The following GPC6 variants were observed in gnomAD, a reference collection of about 807,000 sequenced individuals.
The protein encoded by GPC6 is glypican 6.
A neutral mutation model predicts 55.2 loss-of-function variants in GPC6; 14 were observed. That is an observed-to-expected ratio of 0.25 (90% confidence interval 0.17 to 0.40). The LOEUF (loss-of-function observed/expected upper bound fraction) is 0.40. Ranked by LOEUF, GPC6 falls within the 10% of genes least tolerant of loss-of-function variation. The probability of loss-of-function intolerance (pLI) is 1.00; values close to 1 mark genes in which losing one functional copy is unlikely to be tolerated. For synonymous variants in GPC6, 278 were observed against 259.6 expected, an observed-to-expected ratio of 1.07 and a Z score of -0.68; for missense variants, 641 against 708.5, an observed-to-expected ratio of 0.90 and a Z score of 1.08.
chr13:94,272,299 T>G (rs1229207319), intron 4 of GPC6, among the ~76,000 whole-genome samples: 1 of 151,950 alleles, frequency 6.6e-6, no homozygotes, highest in Non-Finnish European at 1.5e-5. Context: ...GAACAAATGG[T>G]CTCTGGGGCG....
At chr13:93,450,615 A>C in intron 1 of GPC6, 9 of 265,336 alleles carry the variant, frequency 3.4e-5, no homozygotes, top group Non-Finnish European at 5.2e-5. Flanking sequence ...TTTGCATAGA[A>C]GAGATATAAT....
At chr13:93,986,859 C>A (rs890628613) in intron 3 of GPC6, among the ~76,000 whole-genome samples, 1 of 151,988 alleles carries the variant, frequency 6.6e-6, no homozygotes, top group Admixed American at 6.6e-5. Context: ...ATTCTTTTTG[C>A]AAATTACTTT....
intron 2 of GPC6, among the ~76,000 whole-genome samples, chr13:93,708,900 C>CAA (rs1882949363): frequency 6.6e-6 from 1 of 151,664 alleles, no homozygotes; most frequent in Admixed American, 6.6e-5. Flanking sequence ...TGCTAGGTTT[C>CAA]AGAACACATC....
chr13:93,835,056 CT>C (rs1324516196), intron 3 of GPC6, among the ~76,000 whole-genome samples: 2 of 152,158 alleles, frequency 1.3e-5, no homozygotes, highest in African/African-American at 4.8e-5. Context: ...AACAGATTGT[CT>C]GCTTAAACCA....
At chr13:94,082,121 A>C (rs777398031) in intron 4 of GPC6, among the ~76,000 whole-genome samples, 1 of 152,082 alleles carries the variant, frequency 6.6e-6, no homozygotes, top group Non-Finnish European at 1.5e-5. Flanking sequence ...GACTATAGGC[A>C]TGAGCCACTG....
intron 2 of GPC6, among the ~76,000 whole-genome samples, chr13:93,658,480 T>C (rs1323680375): frequency 2.0e-5 from 3 of 151,930 alleles, no homozygotes; most frequent in African/African-American, 7.2e-5. Context: ...TCTTACCATC[T>C]TACAATTTTA....
intron 2 of GPC6, among the ~76,000 whole-genome samples, chr13:93,659,377 T>C (rs1880824007): frequency 6.6e-6 from 1 of 151,972 alleles, no homozygotes; most frequent in Non-Finnish European, 1.5e-5. Context: ...AGGGACAAAC[T>C]CTTCTCAATC....
chr13:94,047,827 T>TG (rs1260565011), intron 4 of GPC6, among the ~76,000 whole-genome samples: 7 of 152,138 alleles, frequency 4.6e-5, no homozygotes, highest in African/African-American at 1.2e-4. Flanking sequence ...TCAACTGCTG[T>TG]GGAAACTAAC....
intron 4 of GPC6, among the ~76,000 whole-genome samples, chr13:94,245,369 G>C (rs1000699628): frequency 6.6e-6 from 1 of 151,474 alleles, no homozygotes; most frequent in Non-Finnish European, 1.5e-5. Flanking sequence ...GACCAAACTG[G>C]GTAACATAGC....
At chr13:94,189,022 A>T (rs1455043747) in intron 4 of GPC6, among the ~76,000 whole-genome samples, 4 of 152,092 alleles carry the variant, frequency 2.6e-5, no homozygotes, top group Non-Finnish European at 5.9e-5. Context: ...CATTGTTGTT[A>T]TAGGGATTCC....
chr13:93,319,454 G>A (rs1366018708), intron 1 of GPC6, among the ~76,000 whole-genome samples: 2 of 152,096 alleles, frequency 1.3e-5, no homozygotes, highest in African/African-American at 4.8e-5. Context: ...AGAAATAAAA[G>A]TTGCATCCAC....
At chr13:93,598,110 C>T (rs912951772) in intron 2 of GPC6, among the ~76,000 whole-genome samples, 1 of 152,110 alleles carries the variant, frequency 6.6e-6, no homozygotes, top group African/African-American at 2.4e-5. Flanking sequence ...TGCCACTGCA[C>T]TCCAGCCTGG....
At chr13:94,208,980 T>C (rs1207324382) in intron 4 of GPC6, among the ~76,000 whole-genome samples, 1 of 152,040 alleles carries the variant, frequency 6.6e-6, no homozygotes, top group African/African-American at 2.4e-5. Flanking sequence ...AATATTTTAT[T>C]AAGATAACAT....
At chr13:93,248,407 G>T (rs1594051569) in intron 1 of GPC6, among the ~76,000 whole-genome samples, 1 of 142,228 alleles carries the variant, frequency 7.0e-6, no homozygotes, top group African/African-American at 2.6e-5. Context: ...GTCTAAAAAT[G>T]TTCTGTACTT....
At chr13:93,829,535 A>G (rs1283134316) in intron 2 of GPC6, among the ~76,000 whole-genome samples, 1 of 152,192 alleles carries the variant, frequency 6.6e-6, no homozygotes, top group Non-Finnish European at 1.5e-5. Flanking sequence ...AATCCAAGAT[A>G]CTTTAAGGCT....
At chr13:94,106,144 G>C (rs1225634829) in intron 4 of GPC6, among the ~76,000 whole-genome samples, 1 of 109,952 alleles carries the variant, frequency 9.1e-6, no homozygotes, top group African/African-American at 3.5e-5. Flanking sequence ...TCCTACATTG[G>C]AAAGGGTAGC....
rs568522281 is a variant in GPC6 at position 93,623,244 on chromosome 13, G to A, written c.319+77823G>A. ...AATAATAAAAAGCCATAGGAGTGCAGATATCTCCTTGACATACTGATTCCA... is the reference window on the plus strand; with the variant it reads ...AATAATAAAAAGCCATAGGAGTGCAAATATCTCCTTGACATACTGATTCCA... On this transcript the variant is annotated intron_variant, in intron 2 of 8. Coordinates refer to ENST00000377047, the MANE Select transcript of GPC6 (RefSeq NM_005708.5). Among the ~76,000 whole-genome samples the A allele has an allele frequency of 2.6e-5, 4 of 152,206 alleles. No homozygotes were observed. In the East Asian group the frequency reaches 7.7e-4, roughly 29 times the overall value.
chr13:93,677,945 CATA>C (rs1224630845), intron 2 of GPC6, among the ~76,000 whole-genome samples: 1 of 152,030 alleles, frequency 6.6e-6, no homozygotes, highest in Admixed American at 6.6e-5. Context: ...TATATTGTAA[CATA>C]ATTTATCCAC....
At chr13:93,957,987 T>A (rs1197239721) in intron 3 of GPC6, among the ~76,000 whole-genome samples, 1 of 152,208 alleles carries the variant, frequency 6.6e-6, no homozygotes, top group Non-Finnish European at 1.5e-5. Context: ...TTTTTCCATA[T>A]GTTTGTTGGC....
Sources: allele counts gnomAD v4.1 joint callset (sites outside exome capture counted in the v4.1 genomes callset), GRCh38; gene constraint gnomAD v4.1.1; transcripts MANE v1.5; gene names NCBI Gene and HGNC (gene_info 2026-07-23, HGNC 2026-07-21).